The following MCM5 variants were observed in gnomAD, a reference collection of about 807,000 sequenced individuals.
MCM5 encodes the protein DNA replication licensing factor MCM5.
In MCM5, 46 loss-of-function variants were observed where a neutral mutation model predicts 79.9. The ratio of observed to expected loss-of-function variants is 0.58; its 90% CI spans 0.45 to 0.74. The LOEUF (loss-of-function observed/expected upper bound fraction) is 0.74. Ranked by LOEUF, MCM5 falls within the 30% of genes least tolerant of loss-of-function variation. MCM5 has a pLI of 0.00. For synonymous variants in MCM5, 404 were observed against 390.5 expected (o/e 1.03, Z -0.41); for missense variants, 883 against 1,017.0 (o/e 0.87, Z 1.79).
At chr22:35,406,470 T>G (rs1044379952) in intron 4 of MCM5, 83 bp from the exon 5 acceptor site, 1 of 1,345,802 alleles carries the variant, frequency 7.4e-7, no homozygotes, top group Non-Finnish European at 1.0e-6. Flanking sequence ...TCCTCCAGGC[T>G]CCTGCCCAGG....
At chr22:35,411,552 G>A (rs1433730746) in intron 7 of MCM5, 4 of 152,442 alleles carry the variant, frequency 2.6e-5, no homozygotes, top group African/African-American at 7.2e-5. Flanking sequence ...GCCAGGTGGT[G>A]TAAGAGGCCT....
chr22:35,447,365 C>T, the MCM5 span, among the ~76,000 whole-genome samples: 2 of 152,134 alleles, frequency 1.3e-5, no homozygotes, highest in Admixed American at 6.5e-5. Context: ...CATGGCTTAG[C>T]GATGCCCGAG....
chr22:35,421,835 G>T, intron 15 of MCM5: 1 of 347,114 alleles, frequency 2.9e-6, no homozygotes, highest in Non-Finnish European at 5.7e-6. Context: ...TGGAAGCCAG[G>T]TGAGCAGTCA....
chr22:35,428,048 TCTCA>T (rs1174498573), downstream of MCM5, among the ~76,000 whole-genome samples: 2 of 146,682 alleles, frequency 1.4e-5, no homozygotes, highest in African/African-American at 5.1e-5. Context: ...TGAGACCAAG[TCTCA>T]CTCTGTTGTC....
intron 13 of MCM5, among the ~76,000 whole-genome samples, chr22:35,418,705 A>ACACACACACT (rs1231601535): frequency 1.3e-5 from 2 of 151,710 alleles, no homozygotes; most frequent in African/African-American, 2.4e-5. Context: ...ACACACACAC[A>ACACACACACT]CACACTCACT....
At chr22:35,454,483 C>G in the MCM5 span, among the ~76,000 whole-genome samples, 1 of 90,414 alleles carries the variant, frequency 1.1e-5, no homozygotes, top group East Asian at 2.3e-4. Flanking sequence ...GACTGGACAC[C>G]AAGGTCTTCA....
the MCM5 span, among the ~76,000 whole-genome samples, chr22:35,438,026 C>T: frequency 4.6e-5 from 7 of 151,978 alleles, no homozygotes; most frequent in Non-Finnish European, 8.8e-5. Context: ...ATTCACCAAG[C>T]GAGGGCAAGG....
At chr22:35,427,187 GAGCACA>G (rs1932783872), downstream of MCM5, among the ~76,000 whole-genome samples, 1 of 152,212 alleles carries the variant, frequency 6.6e-6, no homozygotes, top group Non-Finnish European at 1.5e-5. Context: ...CAAAGTCACA[GAGCACA>G]GGGACTTACA....
At chr22:35,454,682 G>A in the MCM5 span, among the ~76,000 whole-genome samples, 1 of 152,158 alleles carries the variant, frequency 6.6e-6, no homozygotes, top group African/African-American at 2.4e-5. Context: ...ACCTTCTGCC[G>A]GACAGTGCTG....
At chr22:35,443,071 C>T in the MCM5 span, among the ~76,000 whole-genome samples, 92 of 152,332 alleles carry the variant, frequency 6.0e-4, 1 homozygote, top group African/African-American at 1.9e-3. Flanking sequence ...CTGAGGACCA[C>T]ACTCTCCCTC....
rs914002879 is a variant in MCM5 at position 35,415,987 on chromosome 22, G to A, written c.1347+15G>A. 1 of 1,605,430 alleles carries A rather than the reference G, an allele frequency of 6.2e-7. No individual in the cohort carries two copies. Among genetic ancestry groups the A allele is most frequent in the Non-Finnish European group, 8.5e-7 (1 of 1,172,570 alleles). On this transcript the variant is annotated intron_variant, in intron 10 of 16. Coordinates refer to ENST00000216122, the MANE Select transcript of MCM5 (RefSeq NM_006739.4). Reference sequence around the variant, plus strand: ...AGTTTGACAAGGTGAGTCTGATGAGGTGGGTAGTAGCCAAAAGGTGGGTGG... The same window carrying A: ...AGTTTGACAAGGTGAGTCTGATGAGATGGGTAGTAGCCAAAAGGTGGGTGG...
At chr22:35,446,887 C>T in the MCM5 span, among the ~76,000 whole-genome samples, 5 of 152,174 alleles carry the variant, frequency 3.3e-5, no homozygotes, top group African/African-American at 7.2e-5. Flanking sequence ...ACAAGTGCTC[C>T]GGTCACCAGT....
At chr22:35,400,343 C>T in intron 1 of MCM5, 88 bp from the exon 2 acceptor site, 1 of 1,491,644 alleles carries the variant, frequency 6.7e-7, no homozygotes, top group Non-Finnish European at 9.3e-7. Flanking sequence ...CCCCCTGCTC[C>T]GGACTCAGGG....
At chr22:35,420,414 T>C (rs897310339) in intron 14 of MCM5, among the ~76,000 whole-genome samples, 5 of 152,254 alleles carry the variant, frequency 3.3e-5, no homozygotes, top group African/African-American at 9.6e-5. Context: ...TGTGACTTTG[T>C]AGACAATACA....
chr22:35,441,957 G>C, the MCM5 span, among the ~76,000 whole-genome samples: 1 of 152,046 alleles, frequency 6.6e-6, no homozygotes, highest in Non-Finnish European at 1.5e-5. Flanking sequence ...TGGCCAGCCT[G>C]CGTGTTGCAA....
chr22:35,446,748 C>T, the MCM5 span, among the ~76,000 whole-genome samples: 120,175 of 151,828 alleles, frequency 0.79, 48,164 homozygotes, highest in African/African-American at 0.88. Context: ...GTCCTGGACT[C>T]ACCGCACCCC....
At chr22:35,441,657 G>C in the MCM5 span, among the ~76,000 whole-genome samples, 72,218 of 151,890 alleles carry the variant, frequency 0.48, 19,783 homozygotes, top group Non-Finnish European at 0.63. Context: ...AAGGGCAGAG[G>C]AGGACTGGGC....
At chr22:35,441,717 C>G in the MCM5 span, among the ~76,000 whole-genome samples, 1 of 152,026 alleles carries the variant, frequency 6.6e-6, no homozygotes, top group Non-Finnish European at 1.5e-5. Flanking sequence ...AGGGAAGGCT[C>G]CCTGGAAGAG....
At position 35,412,630 on chromosome 22, in the gene MCM5, C is replaced by T. The variant is rs753600705; in HGVS notation, c.1040C>T (p.Thr347Ile). The change falls in exon 8 of 17, where the codon ACA (threonine) becomes ATA (isoleucine). Residue 347 changes from threonine to isoleucine, a missense_variant. Transcript: ENST00000216122. ...KSIAPSIFGG[T>I]DMKKAIACLL... is the part of the protein sequence containing the mutation. ...ATCGCCCCCTCCATCTTTGGGGGCA[C>T]AGACATGAAGAAGGCCATTGCCTGC... 6.4e-7 allele frequency: 1 copy of T among 1,563,878 alleles called. No homozygotes were observed. Among genetic ancestry groups the T allele is most frequent in the Non-Finnish European group, 8.7e-7 (1 of 1,150,782 alleles).
Sources: gnomAD v4.1 joint callset for allele counts (sites outside exome capture counted in the v4.1 genomes callset) on GRCh38, gnomAD v4.1.1 for gene constraint, MANE v1.5 for transcripts, NCBI Gene and HGNC (gene_info 2026-07-23, HGNC 2026-07-21) for gene names.